Variants in DNAH5 observed in about 807,000 individuals in gnomAD.
The protein encoded by DNAH5 is axonemal beta dynein heavy chain 5.
Under a neutral mutation model 518.2 loss-of-function variants are expected in DNAH5, and 372 were observed. That is an observed-to-expected ratio of 0.72 (90% confidence interval 0.66 to 0.78). The LOEUF (loss-of-function observed/expected upper bound fraction) is 0.78, where lower values mean the gene tolerates loss of function less well. Among genes scored for constraint, DNAH5 ranks in the 30% least tolerant of loss-of-function variants. DNAH5 has a pLI of 0.00. For missense variants in DNAH5, 5,523 were observed against 5,687.0 expected (o/e 0.97, Z 0.93); for synonymous variants, 2,039 against 2,025.9 (o/e 1.01, Z -0.17).
rs75917532 is a variant in DNAH5, at chr5:13,692,224, G to A, written c.13724-89C>T. ...AGAGCCATGCTTCTGCATTCTGTAG[G>A]TCATTTCAAAAACAGATGGGTTTGG... On this transcript the variant is annotated intron_variant, in intron 78 of 78. Transcript: ENST00000265104. 1.2e-3 allele frequency: 1,801 copies of A among 1,452,456 alleles called. 20 individuals are homozygous for A. The African/African-American group carries it at 0.022, about 18-fold the overall frequency. 90.0% of individuals were successfully genotyped at this position (1,452,456 alleles called of 1,614,324 possible). A position where few individuals can be genotyped will look rare whatever the true frequency, so the allele number is the denominator to read the frequency against.
At chr5:13,904,737 C>G (rs998418828) in intron 12 of DNAH5, among the ~76,000 whole-genome samples, 3 of 151,988 alleles carry the variant, frequency 2.0e-5, no homozygotes, top group African/African-American at 7.2e-5. Context: ...ATGGCAAAAC[C>G]CTGACTCTTC....
intron 12 of DNAH5, among the ~76,000 whole-genome samples, chr5:13,909,814 C>G (rs1227210607): frequency 6.6e-6 from 1 of 152,196 alleles, no homozygotes; most frequent in African/African-American, 2.4e-5. Flanking sequence ...GAGGGCATAT[C>G]TACTTGATTT....
chr5:13,915,183 G>A (rs1470066741), intron 9 of DNAH5, among the ~76,000 whole-genome samples: 1 of 152,028 alleles, frequency 6.6e-6, no homozygotes, highest in Non-Finnish European at 1.5e-5. Flanking sequence ...TAAAGCATAA[G>A]GAAAATTAAA....
At chr5:13,867,011 C>T (rs1350001412) in intron 25 of DNAH5, among the ~76,000 whole-genome samples, 4 of 152,114 alleles carry the variant, frequency 2.6e-5, no homozygotes, top group Non-Finnish European at 5.9e-5. Flanking sequence ...CCAAGGACAG[C>T]GCCCGGCAAT....
intron 11 of DNAH5, among the ~76,000 whole-genome samples, chr5:13,913,422 T>C (rs1776257393): frequency 6.6e-6 from 1 of 152,130 alleles, no homozygotes; most frequent in Non-Finnish European, 1.5e-5. Flanking sequence ...CTTCATTAAA[T>C]ATTTCTTGCA....
rs771010026 is a variant in DNAH5, at chr5:13,758,958, C to T, written c.10307G>A (p.Arg3436His). The T allele has an allele frequency of 3.2e-5, 51 of 1,613,954 alleles. No homozygotes were observed. The highest frequency in any genetic ancestry group is 4.0e-5 in the Non-Finnish European group (47 of 1,180,024). The change falls in exon 61 of 79, where the codon CGC becomes CAC. Residue 3436 changes from arginine to histidine, a missense_variant. Transcript: ENST00000265104. Reference sequence around the variant, plus strand: ...CAGATCCTGCATGGCCAGGAGATGGCGATTCTCTTGCACCACCAAGTTGGC... The same window carrying T: ...CAGATCCTGCATGGCCAGGAGATGGTGATTCTCTTGCACCACCAAGTTGGC... ...LKANLVVQENRHLLAMQDLQK... is the reference protein window; with the variant it reads ...LKANLVVQENHHLLAMQDLQK...
chr5:13,874,987 C>T (rs13358617), intron 22 of DNAH5, among the ~76,000 whole-genome samples: 13,690 of 152,156 alleles, frequency 0.09, 1,419 homozygotes, highest in African/African-American at 0.25. Context: ...AGGTCTATGG[C>T]TGTGGAGGGC....
At chr5:13,859,377 C>CA in intron 30 of DNAH5, 75 bp downstream of exon 30, 1 of 1,487,706 alleles carries the variant, frequency 6.7e-7, no homozygotes, top group Non-Finnish European at 9.4e-7. Context: ...AATATTATTG[C>CA]ATTATTTAAG....
intron 1 of DNAH5, among the ~76,000 whole-genome samples, chr5:13,976,779 C>T (rs1024431709): frequency 6.6e-6 from 1 of 151,636 alleles, no homozygotes; most frequent in Non-Finnish European, 1.5e-5. Flanking sequence ...CAGGCATCCA[C>T]TGAGGGTCTC....
Position 13,952,553 on chromosome 5 carries a change from C to T in DNAH5, c.13-21309G>A, listed in dbSNP as rs184639591. Among the ~76,000 whole-genome samples, 37 of 152,300 alleles carry T rather than the reference C, an allele frequency of 2.4e-4. No individual in the cohort carries two copies. In the East Asian group the frequency reaches 7.1e-3, roughly 29 times the overall value. ...ACCTCCACCAATATCACCGCAAATT[C>T]AGAGGGCAGGGATCAATATGTCTTA... On this transcript the variant is annotated intron_variant, in intron 1 of 78. Coordinates refer to the DNAH5 transcript ENST00000681290.
intron 44 of DNAH5, among the ~76,000 whole-genome samples, chr5:13,811,161 T>G (rs1760642111): frequency 1.3e-5 from 2 of 152,218 alleles, no homozygotes; most frequent in South Asian, 4.1e-4. Flanking sequence ...AGCAATAATT[T>G]GTTGTGCATT....
intron 40 of DNAH5, among the ~76,000 whole-genome samples, chr5:13,822,540 C>T (rs2151819327): frequency 6.6e-6 from 1 of 152,320 alleles, no homozygotes; most frequent in East Asian, 1.9e-4. Context: ...CATGAGCCAC[C>T]ACACCTGGCC....
intron 3 of DNAH5, among the ~76,000 whole-genome samples, chr5:13,925,322 T>C (rs1269996555): frequency 6.6e-6 from 1 of 152,178 alleles, no homozygotes; most frequent in African/African-American, 2.4e-5. Context: ...GTCCTAGAAC[T>C]GATTAGACAT....
chr5:13,959,951 A>G (rs989368571), intron 1 of DNAH5, among the ~76,000 whole-genome samples: 1 of 152,004 alleles, frequency 6.6e-6, no homozygotes, highest in Admixed American at 6.6e-5. Context: ...CTGGGCAACA[A>G]GAGCTAAACT....
At chr5:13,831,144 A>G (rs1029723816) in intron 35 of DNAH5, among the ~76,000 whole-genome samples, 2 of 152,232 alleles carry the variant, frequency 1.3e-5, no homozygotes, top group Admixed American at 6.5e-5. Context: ...ACCCCCATCT[A>G]AAATGTATAT....
chr5:13,872,821 G>A (rs1488213378), intron 22 of DNAH5, among the ~76,000 whole-genome samples: 1 of 151,986 alleles, frequency 6.6e-6, no homozygotes, highest in Non-Finnish European at 1.5e-5. Flanking sequence ...TCTTCCTTTT[G>A]GATTGATTTG....
chr5:13,987,981 C>T (rs1018014823), intron 1 of DNAH5, among the ~76,000 whole-genome samples: 1 of 151,968 alleles, frequency 6.6e-6, no homozygotes, highest in Non-Finnish European at 1.5e-5. Flanking sequence ...GAAACCCAAA[C>T]CAAAATAGGA....
At chr5:13,708,607 A>G (rs1185555656) in intron 75 of DNAH5, among the ~76,000 whole-genome samples, 4 of 152,244 alleles carry the variant, frequency 2.6e-5, no homozygotes, top group Non-Finnish European at 5.9e-5. Flanking sequence ...ACAACCATGC[A>G]GTCTTCCAAA....
chr5:13,769,681 T>G, intron 56 of DNAH5, 66 bp from the exon 57 acceptor site: 1 of 1,320,050 alleles, frequency 7.6e-7, no homozygotes, highest in Admixed American at 1.7e-5. Context: ...TCTCAAGTAC[T>G]GGTCCAATAA....
Sources: allele counts gnomAD v4.1 joint callset (sites outside exome capture counted in the v4.1 genomes callset), GRCh38; gene constraint gnomAD v4.1.1; transcripts MANE v1.5; gene names NCBI Gene and HGNC (gene_info 2026-07-23, HGNC 2026-07-21).